The following ACSM1 variants were observed in gnomAD, a reference collection of about 807,000 sequenced individuals.
The protein encoded by ACSM1 is acyl-coenzyme A synthetase ACSM1, mitochondrial.
A neutral mutation model predicts 75.8 loss-of-function variants in ACSM1; 79 were observed. That is an observed-to-expected ratio of 1.04 (90% CI 0.87 to 1.26). ACSM1 has a LOEUF of 1.26. Ranked by LOEUF, ACSM1 falls within the 50% of genes most tolerant of loss-of-function variation. The pLI, the probability that ACSM1 is intolerant of heterozygous loss-of-function variation, is 0.00. For missense variants in ACSM1, 676 were observed against 720.1 expected (o/e 0.94, Z 0.70); for synonymous variants, 279 against 265.8 (o/e 1.05, Z -0.48).
intron 2 of ACSM1, among the ~76,000 whole-genome samples, chr16:20,688,757 A>G (rs1442893211): frequency 6.6e-6 from 1 of 152,048 alleles, no homozygotes; most frequent in Non-Finnish European, 1.5e-5. Flanking sequence ...TGCCCCTACA[A>G]GAAATGCTAA....
intron 4 of ACSM1, among the ~76,000 whole-genome samples, chr16:20,671,872 A>T (rs1001216576): frequency 5.9e-5 from 9 of 152,214 alleles, no homozygotes; most frequent in African/African-American, 2.2e-4. Context: ...TATTTGAAAA[A>T]TTAGTAAAAT....
Position 20,671,581 on chromosome 16 carries a change from C to T in ACSM1, c.702G>A (p.Lys234=). The part of the protein sequence containing the change: ...FFTSGTTGFP[K]MAKHSHGLAL... ...CCAACCCATGGGAGTGTTTTGCCAT[C>T]TTGGGGAAGCCTGTGGTCCCACTGG... The change falls in exon 5 of 14, where the codon AAG becomes AAA. Residue 234 remains lysine, a synonymous_variant. Coordinates refer to ENST00000520010, the MANE Select transcript of ACSM1 (RefSeq NM_001318890.3). 1.9e-6 allele frequency: 3 copies of T among 1,613,836 alleles called. No homozygotes were observed. The highest frequency in any genetic ancestry group is 2.5e-6 in the Non-Finnish European group (3 of 1,179,902).
At chr16:20,667,698 T>C (rs1340733809) in intron 6 of ACSM1, among the ~76,000 whole-genome samples, 1 of 152,180 alleles carries the variant, frequency 6.6e-6, no homozygotes, top group Non-Finnish European at 1.5e-5. Flanking sequence ...ACACAGAGGC[T>C]CATATGTTAT....
At chr16:20,690,266 C>T (rs2079629729) in intron 2 of ACSM1, among the ~76,000 whole-genome samples, 1 of 152,182 alleles carries the variant, frequency 6.6e-6, no homozygotes, top group Admixed American at 6.5e-5. Context: ...ACTTTTTACA[C>T]TACCATATTG....
At position 20,648,376 on chromosome 16, in the gene ACSM1, T is replaced by C. The variant is rs57001221; in HGVS notation, c.993-7792A>G. ...CTGGCCATGCTCTCAGTCTGCATTC[T>C]TTACTGTAGCCTCAGGATGGTAATG... On this transcript the variant is annotated intron_variant, in intron 7 of 13. Transcript: ENST00000520010. The surrounding 1 kb of genome is among the most constrained non-coding windows in gnomAD (Gnocchi z 4.2). Among the ~76,000 whole-genome samples the C allele has an allele frequency of 2.3e-3, 348 of 152,292 alleles. No individual in the cohort carries two copies. The highest frequency in any genetic ancestry group is 8.0e-3 in the African/African-American group (333 of 41,566).
intron 1 of ACSM1, among the ~76,000 whole-genome samples, chr16:20,696,249 A>ATGTCTCTATCTCTATCACTATCCC (rs1316297034): frequency 8.5e-5 from 13 of 152,280 alleles, no homozygotes; most frequent in South Asian, 6.2e-4. Context: ...TAAGTGATGC[A>ATGTCTCTATCTCTATCACTATCCC]TGTCTCTATC....
chr16:20,690,864 TA>T, intron 2 of ACSM1, 132 bp downstream of exon 2: 1 of 820,416 alleles, frequency 1.2e-6, no homozygotes, highest in Non-Finnish European at 1.8e-6. Context: ...CCTTGAAATA[TA>T]AGCTTCTTCC....
chr16:20,685,452 G>A (rs910017131), intron 2 of ACSM1, 49 bp from the exon 3 acceptor site: 4 of 1,558,874 alleles, frequency 2.6e-6, no homozygotes, highest in Admixed American at 3.3e-5. Flanking sequence ...AAAGAAAAAG[G>A]GCACTTAGTA....
intron 6 of ACSM1, among the ~76,000 whole-genome samples, chr16:20,666,021 C>T (rs759152333): frequency 5.3e-5 from 8 of 152,112 alleles, no homozygotes; most frequent in Admixed American, 3.3e-4. Context: ...CCACAGCCAG[C>T]ATCACACTGA....
At chr16:20,640,231 C>G (rs1002749474) in intron 8 of ACSM1, among the ~76,000 whole-genome samples, 3 of 152,194 alleles carry the variant, frequency 2.0e-5, no homozygotes, top group Admixed American at 2.0e-4. Flanking sequence ...AACAGCTGAT[C>G]AAAGACTCAC....
In ACSM1 at chr16:20,685,377, A is replaced by T; in HGVS notation, c.219T>A (p.Ala73=). 1 of 1,614,182 alleles carries T rather than the reference A, an allele frequency of 6.2e-7. No homozygotes were observed. Among genetic ancestry groups the T allele is most frequent in the Non-Finnish European group, 8.5e-7 (1 of 1,180,028 alleles). The change falls in exon 3 of 14, where the codon GCT becomes GCA. Residue 73 remains alanine (A), a synonymous_variant. Transcript: ENST00000520010. ...EKEGKRGPNP[A]FWWVNGQGDE... Reference sequence around the variant, plus strand: ...CCCCTTGGCCATTCACCCACCAAAAAGCTGGATTTGGACCTCTCTTGCCCT... The same window carrying T: ...CCCCTTGGCCATTCACCCACCAAAATGCTGGATTTGGACCTCTCTTGCCCT...
Position 20,636,787 on chromosome 16 carries a change from G to A in ACSM1, c.1251C>T (p.Gly417=). 6.2e-7 allele frequency: 1 copy of A among 1,614,084 alleles called. No individual in the cohort carries two copies. Among genetic ancestry groups the A allele is most frequent in the Non-Finnish European group, 8.5e-7 (1 of 1,180,006 alleles). The change falls in exon 10 of 14, where the codon GGC becomes GGT. Residue 417 remains glycine, a synonymous_variant. Coordinates refer to ENST00000520010, the MANE Select transcript of ACSM1 (RefSeq NM_001318890.3). ...ILPPNTEGNI[G]IRIKPVRPVS... ...CAGGCCTGACAGGTTTGATTCTGATGCCAATGTTTCCTTCTGTGTTAGGTG... is the reference window on the plus strand; with the variant it reads ...CAGGCCTGACAGGTTTGATTCTGATACCAATGTTTCCTTCTGTGTTAGGTG...
chr16:20,641,554 C>T (rs1379634371), intron 7 of ACSM1, among the ~76,000 whole-genome samples: 1 of 152,224 alleles, frequency 6.6e-6, no homozygotes, highest in Non-Finnish European at 1.5e-5. Context: ...GTTCATCATG[C>T]ACCTGATCTT....
At chr16:20,673,229 C>T (rs1376929401) in intron 4 of ACSM1, among the ~76,000 whole-genome samples, 1 of 151,650 alleles carries the variant, frequency 6.6e-6, no homozygotes, top group African/African-American at 2.4e-5. Context: ...AGGAGCTTCC[C>T]CTGGACTGAG....
chr16:20,676,396 A>C (rs2020278386), intron 4 of ACSM1, among the ~76,000 whole-genome samples: 2 of 152,248 alleles, frequency 1.3e-5, no homozygotes, highest in African/African-American at 2.4e-5. Context: ...AGCACCAGCC[A>C]GTTTTAAGAA....
chr16:20,674,965 G>A (rs933074093), intron 4 of ACSM1: 2 of 152,280 alleles, frequency 1.3e-5, no homozygotes, highest in Admixed American at 1.3e-4. Flanking sequence ...TGAACCTCGT[G>A]TCCCCCTAAC....
intron 10 of ACSM1, among the ~76,000 whole-genome samples, chr16:20,635,330 G>A (rs940044125): frequency 3.3e-5 from 5 of 152,170 alleles, no homozygotes; most frequent in African/African-American, 1.2e-4. Flanking sequence ...AGGAGGTCCA[G>A]GATACAGTGA....
rs538744720 is a variant in ACSM1 at position 20,693,754 on chromosome 16, G to T, written c.-51-2515C>A. Among the ~76,000 whole-genome samples the T allele has an allele frequency of 9.2e-5, 14 of 152,296 alleles. No homozygotes were observed. The East Asian group carries it at 2.7e-3, about 29-fold the overall frequency. On this transcript the variant is annotated intron_variant, in intron 1 of 13. Coordinates refer to ENST00000520010, the MANE Select transcript of ACSM1 (RefSeq NM_001318890.3). Reference sequence around the variant, plus strand: ...CACTTATTGTAGCTGTCCAGCCCCTGTGTATATTTGAGCTTAAAATCTCTA... The same window carrying T: ...CACTTATTGTAGCTGTCCAGCCCCTTTGTATATTTGAGCTTAAAATCTCTA...
intron 10 of ACSM1, among the ~76,000 whole-genome samples, chr16:20,627,909 T>C (rs1420364365): frequency 2.5e-4 from 25 of 100,250 alleles, no homozygotes; most frequent in African/African-American, 6.3e-4. Flanking sequence ...TATATATATA[T>C]ATATATATAT....
Sources: gnomAD v4.1 joint callset for allele counts (sites outside exome capture counted in the v4.1 genomes callset) on GRCh38, gnomAD v4.1.1 for gene constraint, Gnocchi (gnomAD v3.1) non-coding constraint, MANE v1.5 for transcripts, NCBI Gene and HGNC (gene_info 2026-07-23, HGNC 2026-07-21) for gene names.